APBB2: variants seen among roughly 807,000 people sequenced by gnomAD.
APBB2 encodes the protein Fe65-like 1.
Under a neutral mutation model 82.5 loss-of-function variants are expected in APBB2, and 38 were observed. The observed-to-expected ratio is 0.46, with a 90% CI of 0.36 to 0.60. The LOEUF is 0.60. Ranked by LOEUF, APBB2 falls within the 20% of genes least tolerant of loss-of-function variation. The probability of loss-of-function intolerance (pLI) is 0.00; values close to 1 mark genes in which losing one functional copy is unlikely to be tolerated. For synonymous variants in APBB2, 341 were observed against 368.2 expected (o/e 0.93, Z 0.85); for missense variants, 772 against 972.3 (o/e 0.79, Z 2.74).
At chr4:41,191,481 C>G (rs1409708501) in intron 1 of APBB2, among the ~76,000 whole-genome samples, 1 of 152,114 alleles carries the variant, frequency 6.6e-6, no homozygotes, top group Non-Finnish European at 1.5e-5. Context: ...ATAGAGTCAA[C>G]TAATATTTCA....
At chr4:40,880,748 T>A in intron 12 of APBB2, 1 of 985,446 alleles carries the variant, frequency 1.0e-6, no homozygotes, top group Non-Finnish European at 1.2e-6. Flanking sequence ...AGATGGAAGC[T>A]GTTCGAAGAT....
intron 10 of APBB2, among the ~76,000 whole-genome samples, chr4:40,921,275 G>A (rs527373551): frequency 1.3e-5 from 2 of 152,296 alleles, no homozygotes; most frequent in East Asian, 3.9e-4. Flanking sequence ...AGGCCTTAGA[G>A]CCTGCCTCCT....
At chr4:41,062,428 C>T (rs935881134) in intron 4 of APBB2, among the ~76,000 whole-genome samples, 42 of 152,162 alleles carry the variant, frequency 2.8e-4, no homozygotes, top group African/African-American at 9.9e-4. Context: ...ATCCGCCCAC[C>T]TTGGCCTCCC....
chr4:41,051,167 C>A (rs367849259), intron 4 of APBB2, among the ~76,000 whole-genome samples: 2 of 152,164 alleles, frequency 1.3e-5, no homozygotes, highest in South Asian at 2.1e-4. Context: ...ACACACCCAT[C>A]CCCTCCTCCT....
chr4:41,005,454 A>G (rs1806438741), intron 6 of APBB2, among the ~76,000 whole-genome samples: 1 of 152,104 alleles, frequency 6.6e-6, no homozygotes, highest in African/African-American at 2.4e-5. Flanking sequence ...CTGGGCAAAT[A>G]GCTCATGATG....
Position 41,191,651 on chromosome 4 carries a change from C to T in APBB2, c.-417+22754G>A, listed in dbSNP as rs753903269. Among the ~76,000 whole-genome samples, 8 of 152,064 alleles carry T rather than the reference C, an allele frequency of 5.3e-5. No homozygotes were observed. In the East Asian group the frequency reaches 5.8e-4, roughly 11 times the overall value. On this transcript the variant is annotated intron_variant, in intron 1 of 17. Transcript: ENST00000508593. ...GGATAAAAGACCTAAACATAATACCCGAAACCATAAAGACTCCCAGAAGAG... is the reference window on the plus strand; with the variant it reads ...GGATAAAAGACCTAAACATAATACCTGAAACCATAAAGACTCCCAGAAGAG...
intron 6 of APBB2, among the ~76,000 whole-genome samples, chr4:40,964,384 C>T (rs1794070163): frequency 6.6e-6 from 1 of 151,652 alleles, no homozygotes; most frequent in African/African-American, 2.4e-5. Context: ...AATTGCAATG[C>T]TGTGTTTTTC....
intron 3 of APBB2, among the ~76,000 whole-genome samples, chr4:41,087,383 A>C (rs1345116319): frequency 6.6e-6 from 1 of 152,166 alleles, no homozygotes; most frequent in Non-Finnish European, 1.5e-5. Context: ...TCAACATCAC[A>C]AATCAGAAGC....
intron 2 of APBB2, among the ~76,000 whole-genome samples, chr4:41,101,738 T>A (rs1250758308): frequency 3.3e-5 from 5 of 151,888 alleles, no homozygotes; most frequent in South Asian, 2.1e-4. Flanking sequence ...GGCGGGCGGA[T>A]CACGACGTCA....
intron 2 of APBB2, among the ~76,000 whole-genome samples, chr4:41,135,326 C>T (rs367988962): frequency 1.3e-5 from 2 of 152,060 alleles, no homozygotes; most frequent in African/African-American, 4.8e-5. Context: ...CAAACTGCAC[C>T]GAAAGATTTT....
intron 3 of APBB2, among the ~76,000 whole-genome samples, chr4:41,095,693 T>C (rs920016461): frequency 3.3e-4 from 50 of 152,202 alleles, no homozygotes; most frequent in African/African-American, 1.2e-3. Flanking sequence ...TTCTAAGTCC[T>C]CCCATCTGCT....
chr4:41,116,117 T>C (rs1192623131), intron 2 of APBB2, among the ~76,000 whole-genome samples: 1 of 152,192 alleles, frequency 6.6e-6, no homozygotes, highest in Non-Finnish European at 1.5e-5. Flanking sequence ...ATATACACCA[T>C]GGAATACTAT....
chr4:40,950,362 A>C (rs979202772), intron 6 of APBB2, among the ~76,000 whole-genome samples: 1 of 152,228 alleles, frequency 6.6e-6, no homozygotes, highest in Non-Finnish European at 1.5e-5. Flanking sequence ...TAACATATTC[A>C]TATCAGCAGC....
chr4:41,046,121 C>T (rs748997120), intron 4 of APBB2, among the ~76,000 whole-genome samples: 11 of 151,960 alleles, frequency 7.2e-5, no homozygotes, highest in Non-Finnish European at 1.5e-4. Flanking sequence ...GTCTTCTATT[C>T]GTAAATGAAA....
At chr4:41,181,245 G>A (rs1404718580) in intron 1 of APBB2, among the ~76,000 whole-genome samples, 2 of 152,142 alleles carry the variant, frequency 1.3e-5, no homozygotes, top group Non-Finnish European at 2.9e-5. Context: ...TGGGGAAGTT[G>A]CCAGGGGCAA....
Position 41,090,315 on chromosome 4 carries a change from T to A in APBB2, c.-149+10324A>T, listed in dbSNP as rs189726078. On this transcript the variant is annotated intron_variant, in intron 3 of 17. Coordinates refer to ENST00000508593, the MANE Select transcript of APBB2 (RefSeq NM_004307.2). ...ACTGAAACTCTAAATCAAAACAAGCTATGGTAAGATTTTCTCGAAGGATGC... is the reference window on the plus strand; with the variant it reads ...ACTGAAACTCTAAATCAAAACAAGCAATGGTAAGATTTTCTCGAAGGATGC... Among the ~76,000 whole-genome samples, 1,041 of 152,306 alleles carry A rather than the reference T, an allele frequency of 6.8e-3. 13 individuals carry two copies. The highest frequency in any genetic ancestry group is 0.021 in the African/African-American group (889 of 41,556).
chr4:40,954,343 T>C (rs1046791314), intron 6 of APBB2, among the ~76,000 whole-genome samples: 1 of 151,980 alleles, frequency 6.6e-6, no homozygotes, highest in African/African-American at 2.4e-5. Context: ...TCCCCAACAT[T>C]TGTGCACCCA....
chr4:41,103,396 T>A (rs1420994649), intron 2 of APBB2, among the ~76,000 whole-genome samples: 1 of 152,166 alleles, frequency 6.6e-6, no homozygotes, highest in East Asian at 1.9e-4. Flanking sequence ...TTAAAAAGAC[T>A]CTAAATTTTC....
chr4:41,152,134 C>A (rs1435079434), intron 1 of APBB2, among the ~76,000 whole-genome samples: 1 of 151,746 alleles, frequency 6.6e-6, no homozygotes, highest in Non-Finnish European at 1.5e-5. Flanking sequence ...GTTTTTATTT[C>A]AACAGTTCTA....
Sources: gnomAD v4.1 joint callset for allele counts (sites outside exome capture counted in the v4.1 genomes callset) on GRCh38, gnomAD v4.1.1 for gene constraint, MANE v1.5 for transcripts, NCBI Gene and HGNC (gene_info 2026-07-23, HGNC 2026-07-21) for gene names.